MLLT3: variants seen among roughly 807,000 people sequenced by gnomAD.
MLLT3 encodes protein AF-9.
Under a neutral mutation model 53.2 loss-of-function variants are expected in MLLT3, and 4 were observed. The observed-to-expected ratio is 0.08, with a 90% CI of 0.04 to 0.17. The LOEUF (loss-of-function observed/expected upper bound fraction) is 0.17, where lower values mean the gene tolerates loss of function less well. Among genes scored for constraint, MLLT3 ranks in the 10% least tolerant of loss-of-function variants. MLLT3 has a pLI of 1.00. For synonymous variants in MLLT3, 283 were observed against 230.6 expected (o/e 1.23, Z -2.06); for missense variants, 569 against 684.0 (o/e 0.83, Z 1.87).
intron 2 of MLLT3, among the ~76,000 whole-genome samples, chr9:20,593,497 C>A (rs986470428): frequency 6.6e-6 from 1 of 152,094 alleles, no homozygotes; most frequent in South Asian, 2.1e-4. Flanking sequence ...ATAATCACGC[C>A]AAGTATAATA....
At chr9:20,589,439 T>C (rs1215786343) in intron 2 of MLLT3, among the ~76,000 whole-genome samples, 1 of 55,424 alleles carries the variant, frequency 1.8e-5, no homozygotes, top group African/African-American at 7.5e-5. Flanking sequence ...TGTTGTGGGG[T>C]GGGGGGAGGG....
chr9:20,579,939 T>C (rs1235175315), intron 2 of MLLT3, among the ~76,000 whole-genome samples: 3 of 152,184 alleles, frequency 2.0e-5, no homozygotes, highest in Non-Finnish European at 2.9e-5. Context: ...AGGCAGATTT[T>C]TGTAAGTAAG....
chr9:20,362,926 T>A (rs958397759), intron 7 of MLLT3: 2 of 152,178 alleles, frequency 1.3e-5, no homozygotes, highest in African/African-American at 4.8e-5. Context: ...GTATTAATTA[T>A]AAGTGACATG....
chr9:20,563,037 T>A (rs1819255754), intron 2 of MLLT3, among the ~76,000 whole-genome samples: 1 of 152,086 alleles, frequency 6.6e-6, no homozygotes. Context: ...CTAGCTTAGA[T>A]CTCATAAACC....
intron 2 of MLLT3, among the ~76,000 whole-genome samples, chr9:20,581,328 A>G (rs1286815764): frequency 6.6e-6 from 1 of 152,186 alleles, no homozygotes; most frequent in Non-Finnish European, 1.5e-5. Context: ...AAGAGGTGTT[A>G]AACAAATTCT....
At chr9:20,407,675 T>TCA (rs901157285) in intron 5 of MLLT3, among the ~76,000 whole-genome samples, 1 of 152,196 alleles carries the variant, frequency 6.6e-6, no homozygotes, top group Non-Finnish European at 1.5e-5. Context: ...TCAAGTGGGT[T>TCA]CAAATCCTAG....
chr9:20,380,671 T>A (rs1821887975), intron 5 of MLLT3, among the ~76,000 whole-genome samples: 1 of 151,998 alleles, frequency 6.6e-6, no homozygotes, highest in Non-Finnish European at 1.5e-5. Context: ...TCCACTACAC[T>A]TAAACACCAT....
intron 10 of MLLT3, among the ~76,000 whole-genome samples, chr9:20,353,153 C>G (rs1409897241): frequency 1.3e-5 from 2 of 152,138 alleles, no homozygotes; most frequent in African/African-American, 4.8e-5. Flanking sequence ...ACACTTGACT[C>G]AAATTCTTAT....
chr9:20,465,417 T>C (rs1033174360), intron 2 of MLLT3, among the ~76,000 whole-genome samples: 25 of 152,280 alleles, frequency 1.6e-4, no homozygotes, highest in African/African-American at 6.0e-4. Flanking sequence ...TTACCTAACA[T>C]GAAATTTCAT....
chr9:20,538,502 G>A (rs371496641), intron 2 of MLLT3, among the ~76,000 whole-genome samples: 1 of 152,130 alleles, frequency 6.6e-6, no homozygotes, highest in African/African-American at 2.4e-5. Flanking sequence ...GAATACCTGA[G>A]AAGGCAAACA....
intron 2 of MLLT3, among the ~76,000 whole-genome samples, chr9:20,571,400 A>G (rs7020320): frequency 0.087 from 13,310 of 152,258 alleles, 1,643 homozygotes; most frequent in African/African-American, 0.27. Flanking sequence ...TCTGAAATAT[A>G]TAAGCAACTC....
chr9:20,464,724 G>A (rs867915615), intron 2 of MLLT3, among the ~76,000 whole-genome samples: 5 of 152,028 alleles, frequency 3.3e-5, no homozygotes, highest in South Asian at 2.1e-4. Context: ...TGGTTACAGA[G>A]GAAGATGTGC....
At chr9:20,545,538 T>C (rs116932060) in intron 2 of MLLT3, among the ~76,000 whole-genome samples, 4 of 152,276 alleles carry the variant, frequency 2.6e-5, no homozygotes, top group East Asian at 1.9e-4. Context: ...TTGGAAACTA[T>C]TGGAGGGTGA....
intron 8 of MLLT3, among the ~76,000 whole-genome samples, chr9:20,358,457 G>T (rs907900893): frequency 6.6e-6 from 1 of 152,186 alleles, no homozygotes; most frequent in African/African-American, 2.4e-5. Flanking sequence ...CAAGGAACCA[G>T]GAGTATGCTA....
intron 3 of MLLT3, among the ~76,000 whole-genome samples, chr9:20,450,682 T>G (rs1823816100): frequency 6.6e-6 from 1 of 152,198 alleles, no homozygotes; most frequent in Admixed American, 6.6e-5. Flanking sequence ...GCTAAAGCAT[T>G]AATTCCTCTG....
chr9:20,550,087 C>T (rs551595432), intron 2 of MLLT3, among the ~76,000 whole-genome samples: 1 of 152,308 alleles, frequency 6.6e-6, no homozygotes, highest in East Asian at 1.9e-4. Flanking sequence ...TGGACACACG[C>T]ATTAAAATCT....
At chr9:20,370,176 A>G (rs1240989391) in intron 5 of MLLT3, among the ~76,000 whole-genome samples, 1 of 152,214 alleles carries the variant, frequency 6.6e-6, no homozygotes, top group Non-Finnish European at 1.5e-5. Flanking sequence ...CATTTTTCCA[A>G]CAATTTGTGT....
chr9:20,434,663 G>T (rs1391903341), intron 4 of MLLT3, among the ~76,000 whole-genome samples: 1 of 152,146 alleles, frequency 6.6e-6, no homozygotes, highest in Admixed American at 6.5e-5. Context: ...CAAATTAGTT[G>T]ATCTGTTAGC....
At chr9:20,368,293 G>A (rs1469745458) in intron 5 of MLLT3, among the ~76,000 whole-genome samples, 1 of 152,170 alleles carries the variant, frequency 6.6e-6, no homozygotes, top group Non-Finnish European at 1.5e-5. Flanking sequence ...ATTTCTCCCA[G>A]GGTTTGCAGA....
Sources: gnomAD v4.1 joint callset for allele counts (sites outside exome capture counted in the v4.1 genomes callset) on GRCh38, gnomAD v4.1.1 for gene constraint, MANE v1.5 for transcripts, NCBI Gene and HGNC (gene_info 2026-07-23, HGNC 2026-07-21) for gene names.